The following KAZN variants were observed in gnomAD, a reference collection of about 807,000 sequenced individuals.
The protein encoded by KAZN is kazrin, periplakin interacting protein, also known as kazrin.
In KAZN, 40 loss-of-function variants were observed where a neutral mutation model predicts 87.4. The observed-to-expected ratio is 0.46, with a 90% confidence interval of 0.36 to 0.60. KAZN has a LOEUF of 0.60. Among genes scored for constraint, KAZN ranks in the 20% least tolerant of loss-of-function variants. KAZN has a pLI of 0.00. For missense variants in KAZN, 898 were observed against 1,073.9 expected (o/e 0.84, Z 2.29); for synonymous variants, 466 against 458.3 (o/e 1.02, Z -0.22).
At chr1:15,024,610 T>C (rs912520740) in intron 2 of KAZN, among the ~76,000 whole-genome samples, 6 of 152,172 alleles carry the variant, frequency 3.9e-5, no homozygotes, top group African/African-American at 1.4e-4. Context: ...GGCCTCAGTT[T>C]CCAGCGGAGG....
At chr1:14,541,179 C>T (rs887543954) in intron 2 of KAZN, among the ~76,000 whole-genome samples, 1 of 152,180 alleles carries the variant, frequency 6.6e-6, no homozygotes, top group Non-Finnish European at 1.5e-5. Context: ...ACCGATCTCA[C>T]GGAAATGTTA....
At chr1:14,084,288 G>A (rs1222566111) in intron 1 of KAZN, among the ~76,000 whole-genome samples, 2 of 152,184 alleles carry the variant, frequency 1.3e-5, no homozygotes, top group African/African-American at 2.4e-5. Flanking sequence ...TGGAGGGAGG[G>A]AACTCTGGAA....
At chr1:14,634,375 T>C (rs1679806813) in intron 1 of KAZN, among the ~76,000 whole-genome samples, 1 of 152,186 alleles carries the variant, frequency 6.6e-6, no homozygotes, top group South Asian at 2.1e-4. Flanking sequence ...TTCATAACCG[T>C]ACACGGAGAA....
chr1:14,023,606 T>C (rs1169844853), intron 1 of KAZN, among the ~76,000 whole-genome samples: 1 of 152,166 alleles, frequency 6.6e-6, no homozygotes, highest in Non-Finnish European at 1.5e-5. Flanking sequence ...ACTGTAAAGT[T>C]ACCTGCATGT....
At chr1:14,400,956 GACAA>G (rs1663352481) in intron 2 of KAZN, among the ~76,000 whole-genome samples, 1 of 152,234 alleles carries the variant, frequency 6.6e-6, no homozygotes, top group South Asian at 2.1e-4. Flanking sequence ...ATATTCATAT[GACAA>G]ATGTGTGCTG....
intron 2 of KAZN, among the ~76,000 whole-genome samples, chr1:14,370,287 G>A (rs1278737822): frequency 1.3e-5 from 2 of 152,156 alleles, no homozygotes; most frequent in Non-Finnish European, 2.9e-5. Context: ...TGGAGGGTGG[G>A]CAAGGACCTT....
intron 2 of KAZN, among the ~76,000 whole-genome samples, chr1:14,497,579 A>G (rs965432990): frequency 6.6e-6 from 1 of 152,200 alleles, no homozygotes; most frequent in Non-Finnish European, 1.5e-5. Flanking sequence ...AAAGTTGGCC[A>G]TATGAATGAG....
intron 2 of KAZN, among the ~76,000 whole-genome samples, chr1:14,419,874 C>T (rs1451120240): frequency 6.6e-6 from 1 of 152,050 alleles, no homozygotes; most frequent in African/African-American, 2.4e-5. Context: ...ACAGCTCGCA[C>T]AGACAGTGAG....
chr1:14,428,621 A>T (rs1050743563), intron 2 of KAZN, among the ~76,000 whole-genome samples: 5 of 152,178 alleles, frequency 3.3e-5, no homozygotes, highest in African/African-American at 1.2e-4. Flanking sequence ...GGTTTAATTG[A>T]CTCACAGTCC....
intron 2 of KAZN, among the ~76,000 whole-genome samples, chr1:14,420,234 T>G (rs1241112657): frequency 2.0e-5 from 3 of 152,092 alleles, no homozygotes; most frequent in Non-Finnish European, 4.4e-5. Context: ...GATTGGTGCA[T>G]TTACCATCCT....
At chr1:15,103,941 A>G in intron 12 of KAZN, 82 bp from the exon 13 acceptor site, 2 of 1,382,366 alleles carry the variant, frequency 1.4e-6, no homozygotes, top group South Asian at 1.4e-5. Flanking sequence ...TGTTGGGGAC[A>G]GAGCCCCACG....
intron 1 of KAZN, among the ~76,000 whole-genome samples, chr1:14,768,985 C>A (rs762557968): frequency 6.6e-6 from 1 of 152,172 alleles, no homozygotes; most frequent in Admixed American, 6.5e-5. Flanking sequence ...CTACCTCTTC[C>A]CTAGAGCATT....
At chr1:14,393,012 G>A (rs879907518) in intron 2 of KAZN, among the ~76,000 whole-genome samples, 11 of 152,152 alleles carry the variant, frequency 7.2e-5, no homozygotes, top group African/African-American at 1.9e-4. Flanking sequence ...GAAGTCAAGC[G>A]CAAGGGAAAG....
At chr1:15,034,642 T>C in intron 2 of KAZN, 107 bp from the exon 3 acceptor site, 6 of 1,349,350 alleles carry the variant, frequency 4.4e-6, no homozygotes, top group Admixed American at 2.3e-5. Flanking sequence ...TGAGCCCTGT[T>C]TTCTCACCTG....
chr1:14,397,106 C>T (rs932424079), intron 2 of KAZN, among the ~76,000 whole-genome samples: 10 of 152,198 alleles, frequency 6.6e-5, no homozygotes, highest in Non-Finnish European at 1.3e-4. Flanking sequence ...GTAATAGCCC[C>T]ACTTCCTCTC....
intron 1 of KAZN, among the ~76,000 whole-genome samples, chr1:14,630,439 G>A (rs1412799454): frequency 6.6e-6 from 1 of 152,148 alleles, no homozygotes; most frequent in African/African-American, 2.4e-5. Context: ...GTAATCCCAG[G>A]AATTTGGGAG....
chr1:14,044,051 G>T (rs558022310), intron 1 of KAZN, among the ~76,000 whole-genome samples: 1 of 152,226 alleles, frequency 6.6e-6, no homozygotes, highest in African/African-American at 2.4e-5. Flanking sequence ...ACTTTACTGG[G>T]ATAAACACTC....
Position 14,627,760 on chromosome 1 carries a change from C to G in KAZN, c.226+28537C>G, listed in dbSNP as rs546569712. On this transcript the variant is annotated intron_variant, in intron 1 of 14. Coordinates refer to ENST00000376030, the MANE Select transcript of KAZN (RefSeq NM_201628.3). ...ATGTTCTGGGTAGCATAACCCCCGA[C>G]CGCCAAACAACCAGCTAAGTTTAGA... Among the ~76,000 whole-genome samples, 4 of 152,302 alleles carry G rather than the reference C, an allele frequency of 2.6e-5. No homozygotes were observed. The South Asian group carries it at 8.3e-4, about 32-fold the overall frequency.
chr1:14,318,823 T>C (rs1655835149), intron 2 of KAZN, among the ~76,000 whole-genome samples: 1 of 151,846 alleles, frequency 6.6e-6, no homozygotes, highest in Non-Finnish European at 1.5e-5. Context: ...TCCCATCCAG[T>C]TAAGTCTTAG....
Sources: gnomAD v4.1 joint callset for allele counts (sites outside exome capture counted in the v4.1 genomes callset) on GRCh38, gnomAD v4.1.1 for gene constraint, MANE v1.5 for transcripts, NCBI Gene and HGNC (gene_info 2026-07-23, HGNC 2026-07-21) for gene names.